The following CRYBG1 variants were observed in gnomAD, a reference collection of about 807,000 sequenced individuals.
The protein encoded by CRYBG1 is beta/gamma crystallin domain-containing protein 1.
Under a neutral mutation model 189.2 loss-of-function variants are expected in CRYBG1, and 139 were observed. The ratio of observed to expected loss-of-function variants is 0.73; its 90% CI spans 0.64 to 0.85. The LOEUF is 0.85. Among genes scored for constraint, CRYBG1 ranks in the 40% least tolerant of loss-of-function variants. The probability of loss-of-function intolerance (pLI) is 0.00; values close to 1 mark genes in which losing one functional copy is unlikely to be tolerated. For missense variants in CRYBG1, 2,611 were observed against 2,675.8 expected, an observed-to-expected ratio of 0.98 and a Z score of 0.53; for synonymous variants, 1,023 against 1,017.1, an observed-to-expected ratio of 1.01 and a Z score of -0.11.
chr6:106,511,529 T>A lies in CRYBG1; in HGVS notation c.412T>A (p.Leu138Ile), dbSNP rs1582806403. ...AAGGAGAAGAAACAGTAGAAACGGGTTAGAGAGTCCCACCAGATCAAATGC... is the reference window on the plus strand; with the variant it reads ...AAGGAGAAGAAACAGTAGAAACGGGATAGAGAGTCCCACCAGATCAAATGC... The part of the protein sequence containing the change: ...AGRRRNSRNG[L>I]ESPTRSNAKP... The change falls in exon 3 of 22, where the codon TTA becomes ATA. Residue 138 changes from leucine (L) to isoleucine (I), a missense_variant. This residue lies in a region of CRYBG1 where 985 missense variants were observed against 924.4 expected (regional missense o/e 1.07). Transcript: ENST00000633556. 1 of 1,535,468 alleles carries A rather than the reference T, an allele frequency of 6.5e-7. No individual in the cohort carries two copies. Among genetic ancestry groups the A allele is most frequent in the East Asian group, 2.4e-5 (1 of 40,898 alleles).
chr6:106,496,649 C>T (rs1008919103), intron 2 of CRYBG1, among the ~76,000 whole-genome samples: 1 of 152,116 alleles, frequency 6.6e-6, no homozygotes, highest in Non-Finnish European at 1.5e-5. Context: ...ATCTACTAAG[C>T]AGATTAACTA....
rs940147933 is a variant in CRYBG1 at position 106,360,762 on chromosome 6, C to A, written c.-147C>A. 2 of 928,682 alleles carry A rather than the reference C, an allele frequency of 2.2e-6. No individual in the cohort carries two copies. The highest frequency in any genetic ancestry group is 3.1e-6 in the Non-Finnish European group (2 of 654,968). 57.5% of individuals were successfully genotyped at this position (928,682 alleles called of 1,614,324 possible). A position where few individuals can be genotyped will look rare whatever the true frequency, so the allele number is the denominator to read the frequency against. On this transcript the variant is annotated 5_prime_UTR_variant, in exon 1 of 22. Transcript: ENST00000633556. ...GGGTGCTGGTTCTGCAACCCGCGGC[C>A]GTCCCCCCGCATCCGCGACGAGGGG...
At chr6:106,563,455 C>T (rs754135602) in intron 20 of CRYBG1, among the ~76,000 whole-genome samples, 4 of 152,104 alleles carry the variant, frequency 2.6e-5, no homozygotes, top group African/African-American at 9.6e-5. Flanking sequence ...TCACTTATGA[C>T]AGGGAAAAAT....
At position 106,520,778 on chromosome 6, in the gene CRYBG1, A is replaced by G. The variant is rs767971279; in HGVS notation, c.3570A>G (p.Lys1190=). 1 of 1,614,184 alleles carries G rather than the reference A, an allele frequency of 6.2e-7. No individual in the cohort carries two copies. Among genetic ancestry groups the G allele is most frequent in the South Asian group, 1.1e-5 (1 of 91,086 alleles). ...NLDTKSKLRP[K]RASAEQSVLF... ...ACACAAAATCCAAACTGAGACCCAA[A>G]CGTGCATCTGCTGAACAGAGCGTCC... Residue 1190 remains lysine, a synonymous_variant, in exon 4 of 22, where the codon AAA becomes AAG. Transcript: ENST00000633556.
intron 2 of CRYBG1, among the ~76,000 whole-genome samples, chr6:106,509,916 C>G (rs1032863506): frequency 1.6e-4 from 24 of 152,214 alleles, no homozygotes; most frequent in African/African-American, 5.5e-4. Context: ...CGGGGTGACA[C>G]TATGTTACAG....
intron 11 of CRYBG1, 121 bp downstream of exon 11, chr6:106,543,718 A>G: frequency 8.9e-7 from 1 of 1,122,406 alleles, no homozygotes; most frequent in South Asian, 1.5e-5. Context: ...TTTGACAGTT[A>G]TATCCACATT....
chr6:106,417,697 C>G (rs1219719873), intron 1 of CRYBG1, among the ~76,000 whole-genome samples: 1 of 152,240 alleles, frequency 6.6e-6, no homozygotes, highest in African/African-American at 2.4e-5. Context: ...CACACTCAGT[C>G]CCTTGTGGGA....
At chr6:106,544,998 A>G (rs146646602) in intron 13 of CRYBG1, 65 bp downstream of exon 13, 1 of 1,403,532 alleles carries the variant, frequency 7.1e-7, no homozygotes, top group African/African-American at 1.4e-5. Context: ...TTAAACTGGT[A>G]AGAGTCTATC....
rs547059010 is a variant in CRYBG1, at chr6:106,366,650, C to T, written c.173+5569C>T. ...TGCCATTGGGATAGATTTTTAACCT[C>T]TTTAAGTCTCAGTTTCTTCACCTGT... On this transcript the variant is annotated intron_variant, in intron 1 of 21. Coordinates refer to ENST00000633556, the MANE Select transcript of CRYBG1 (RefSeq NM_001371242.2). Among the ~76,000 whole-genome samples, 330 of 152,294 alleles carry T rather than the reference C, an allele frequency of 2.2e-3. 1 individual carries two copies. The highest frequency in any genetic ancestry group is 3.6e-3 in the Non-Finnish European group (248 of 68,026).
Position 106,512,805 on chromosome 6 carries a change from C to A in CRYBG1, c.1688C>A (p.Ala563Glu). Residue 563 changes from alanine to glutamate, a missense_variant, in exon 3 of 22, where the codon GCG (alanine) becomes GAG (glutamate). Ala to Glu is a moderately radical substitution (Grantham distance 107, BLOSUM62 -1). This residue lies in a region of CRYBG1 where 985 missense variants were observed against 924.4 expected (regional missense o/e 1.07). Transcript: ENST00000633556. ...ACTGCGGCCGAGAGCGGGGAGGAGG[C>A]GGCGCGGGCCATCCCCCGCGAGCTC... is the stretch of plus-strand genomic sequence containing the variant. Reference protein sequence around the residue: ...KGTAAESGEEAARAIPRELPV... With the variant: ...KGTAAESGEEEARAIPRELPV... 6.4e-7 allele frequency: 1 copy of A among 1,574,338 alleles called. No homozygotes were observed. The highest frequency in any genetic ancestry group is 8.6e-7 in the Non-Finnish European group (1 of 1,159,622).
At chr6:106,460,283 G>A (rs370126563) in intron 2 of CRYBG1, among the ~76,000 whole-genome samples, 1 of 151,944 alleles carries the variant, frequency 6.6e-6, no homozygotes, top group Admixed American at 6.6e-5. Context: ...GAGCCACCGC[G>A]CCCAGCCAGT....
Position 106,520,513 on chromosome 6 carries a change from C to G in CRYBG1, c.3305C>G (p.Ser1102Cys). 6.2e-7 allele frequency: 1 copy of G among 1,614,148 alleles called. No homozygotes were observed. The highest frequency in any genetic ancestry group is 8.5e-7 in the Non-Finnish European group (1 of 1,180,030). The change falls in exon 4 of 22, where the codon TCT becomes TGT. Residue 1102 changes from serine (S) to cysteine (C), a missense_variant. Transcript: ENST00000633556. ...AGTGATGATAGTGTATTTGATTCTTCTTCTGATATGGAAAAATTCACTGAA... is the reference window on the plus strand; with the variant it reads ...AGTGATGATAGTGTATTTGATTCTTGTTCTGATATGGAAAAATTCACTGAA... The part of the protein sequence containing the change: ...AGSDDSVFDS[S>C]SDMEKFTEII...
intron 1 of CRYBG1, among the ~76,000 whole-genome samples, chr6:106,440,270 T>C (rs866798569): frequency 1.6e-4 from 21 of 132,726 alleles, no homozygotes; most frequent in East Asian, 3.9e-4. Flanking sequence ...CTCTCTCTCT[T>C]TTTTTTTCTT....
chr6:106,537,077 G>T (rs1474673047), intron 8 of CRYBG1, among the ~76,000 whole-genome samples: 1 of 152,114 alleles, frequency 6.6e-6, no homozygotes, highest in Admixed American at 6.5e-5. Flanking sequence ...CATGTTTTCG[G>T]TTTTTTCACA....
chr6:106,483,401 T>TATATGTATGTATATATATATA, intron 2 of CRYBG1, among the ~76,000 whole-genome samples: 1 of 95,598 alleles, frequency 1.0e-5, no homozygotes. Context: ...GATATATATA[T>TATATGTATGTATATATATATA]AAAACATTTT....
rs1282792653 is a variant in CRYBG1, at chr6:106,512,639, C to T, written c.1522C>T (p.Pro508Ser). The T allele has an allele frequency of 6.9e-6, 11 of 1,589,196 alleles. No homozygotes were observed. The highest frequency in any genetic ancestry group is 2.3e-5 in the South Asian group (2 of 87,954). The stretch of plus-strand genomic sequence containing the variant: ...GTCGGACCGGAGCAAACAGCCACCC[C>T]CGGCTTCGTCCCCCACGAAGAGGAA... The part of the protein sequence containing the change: ...GESDRSKQPP[P>S]ASSPTKRKGR... The change falls in exon 3 of 22, where the codon CCG becomes TCG. Residue 508 changes from proline (P) to serine (S), a missense_variant. Around this residue, in one of 3 missense-constraint regions of CRYBG1, gnomAD observed 985 missense variants for 924.4 expected, o/e 1.07. Coordinates refer to ENST00000633556, the MANE Select transcript of CRYBG1 (RefSeq NM_001371242.2).
At chr6:106,416,916 C>T (rs1771031817) in intron 1 of CRYBG1, among the ~76,000 whole-genome samples, 1 of 151,122 alleles carries the variant, frequency 6.6e-6, no homozygotes, top group Non-Finnish European at 1.5e-5. Context: ...ATTTTATTTT[C>T]CAGCTGATTT....
intron 2 of CRYBG1, among the ~76,000 whole-genome samples, chr6:106,482,318 A>G (rs1224155591): frequency 6.6e-6 from 1 of 152,214 alleles, no homozygotes; most frequent in African/African-American, 2.4e-5. Flanking sequence ...TGAGTACTCC[A>G]AGTCAACTCA....
chr6:106,379,682 C>T (rs947352022), intron 1 of CRYBG1, among the ~76,000 whole-genome samples: 13 of 152,104 alleles, frequency 8.5e-5, no homozygotes, highest in African/African-American at 3.1e-4. Flanking sequence ...CCTTAGCCTC[C>T]TGAGTAGCTG....
Sources: allele counts gnomAD v4.1 joint callset (sites outside exome capture counted in the v4.1 genomes callset), GRCh38; gene constraint gnomAD v4.1.1; regional missense constraint gnomAD v4.1.1; transcripts MANE v1.5; gene names NCBI Gene and HGNC (gene_info 2026-07-23, HGNC 2026-07-21).